NDST3: variants seen among roughly 807,000 people sequenced by gnomAD.
NDST3 encodes the protein N-deacetylase and N-sulfotransferase 3.
In NDST3, 58 loss-of-function variants were observed where a neutral mutation model predicts 96.1. That is an observed-to-expected ratio of 0.60 (90% CI 0.49 to 0.75). NDST3 has a LOEUF of 0.75. Among genes scored for constraint, NDST3 ranks in the 30% least tolerant of loss-of-function variants. The pLI is 0.00. For missense variants in NDST3, 788 were observed against 1,034.2 expected, an observed-to-expected ratio of 0.76 and a Z score of 3.27; for synonymous variants, 333 against 359.7, an observed-to-expected ratio of 0.93 and a Z score of 0.84.
chr4:118,135,181 C>G (rs1303304872), intron 4 of NDST3, among the ~76,000 whole-genome samples: 1 of 152,134 alleles, frequency 6.6e-6, no homozygotes, highest in Admixed American at 6.5e-5. Context: ...AAGCAGCCCC[C>G]TACTAACTGA....
At chr4:118,104,958 T>C in intron 2 of NDST3, 60 bp from the exon 3 acceptor site, 1 of 1,399,042 alleles carries the variant, frequency 7.1e-7, no homozygotes, top group African/African-American at 1.4e-5. Flanking sequence ...AGGATATATC[T>C]TTTGGAAACT....
At chr4:118,131,289 C>A (rs1277008279) in intron 4 of NDST3, among the ~76,000 whole-genome samples, 1 of 150,270 alleles carries the variant, frequency 6.7e-6, no homozygotes, top group African/African-American at 2.5e-5. Context: ...GTTTGGTTTT[C>A]TTTTGTCTCT....
chr4:118,240,288 C>T (rs1740923114), intron 10 of NDST3, among the ~76,000 whole-genome samples: 1 of 152,024 alleles, frequency 6.6e-6, no homozygotes, highest in Non-Finnish European at 1.5e-5. Context: ...GGAATCCTAT[C>T]GATAGGAATT....
chr4:118,119,101 AC>A (rs1473324995), intron 4 of NDST3, among the ~76,000 whole-genome samples: 1 of 152,214 alleles, frequency 6.6e-6, no homozygotes, highest in African/African-American at 2.4e-5. Context: ...ATAAAATCTT[AC>A]TGAAGATTGA....
Sources: gnomAD v4.1 joint callset for allele counts (sites outside exome capture counted in the v4.1 genomes callset) on GRCh38, gnomAD v4.1.1 for gene constraint, MANE v1.5 for transcripts, NCBI Gene and HGNC (gene_info 2026-07-23, HGNC 2026-07-21) for gene names.